The following IQSEC2 variants were observed in gnomAD, a reference collection of about 807,000 sequenced individuals.
The protein encoded by IQSEC2 is IQ motif and SEC7 domain-containing protein 2.
Under a neutral mutation model 74.6 loss-of-function variants are expected in IQSEC2, and 6 were observed. The observed-to-expected ratio is 0.08, with a 90% CI of 0.04 to 0.16. The LOEUF is 0.16. IQSEC2 is among the 10% of genes least tolerant of loss of function. IQSEC2 has a pLI of 1.00. For synonymous variants in IQSEC2, 494 were observed against 544.5 expected, an observed-to-expected ratio of 0.91 and a Z score of 1.29; for missense variants, 734 against 1,306.2, an observed-to-expected ratio of 0.56 and a Z score of 6.75.
At chrX:53,316,243 A>G (rs2075369276) in intron 1 of IQSEC2, among the ~76,000 whole-genome samples, 1 of 111,729 alleles carries the variant, frequency 9.0e-6, no homozygotes, top group Non-Finnish European at 1.9e-5. Flanking sequence ...CCAGATCTAG[A>G]TAGAGAAGCA....
At chrX:53,243,024 C>T (rs1556861242) in intron 9 of IQSEC2, among the ~76,000 whole-genome samples, 1 of 112,489 alleles carries the variant, frequency 8.9e-6, no homozygotes, top group African/African-American at 3.2e-5. Flanking sequence ...AGGCACAAGC[C>T]ATTGTACCTG....
At chrX:53,316,831 CAAAAA>C (rs376964568) in intron 1 of IQSEC2, among the ~76,000 whole-genome samples, 9 of 73,238 alleles carry the variant, frequency 1.2e-4, no homozygotes, top group African/African-American at 3.4e-4. Context: ...AAACCAAAAC[CAAAAA>C]AAAAAAAAAA....
intron 2 of IQSEC2, among the ~76,000 whole-genome samples, chrX:53,282,484 T>C (rs1347190857): frequency 8.9e-6 from 1 of 112,938 alleles, no homozygotes; most frequent in Non-Finnish European, 1.9e-5. Context: ...AAAGTGCTCC[T>C]GTCCTTTCAC....
At position 53,289,857 on chromosome X, in the gene IQSEC2, T is replaced by A. The variant is rs962600001; in HGVS notation, c.737+2038A>T. 4.5e-5 allele frequency among the ~76,000 whole-genome samples: 5 copies of A among 111,862 alleles called. No homozygotes were observed. In the Admixed American group the frequency reaches 4.7e-4, roughly 11 times the overall value. Reference sequence around the variant, plus strand: ...TTTGGAATCAGACAGCCCAAGGCACTGACTCTCTCAGAACCTCCTTCTCCT... The same window carrying A: ...TTTGGAATCAGACAGCCCAAGGCACAGACTCTCTCAGAACCTCCTTCTCCT... On this transcript the variant is annotated intron_variant, in intron 2 of 14. Transcript: ENST00000642864.
chrX:53,260,892 A>G (rs1437020896), intron 2 of IQSEC2, among the ~76,000 whole-genome samples: 1 of 111,377 alleles, frequency 9.0e-6, no homozygotes, highest in Admixed American at 9.5e-5. Flanking sequence ...ATTCAAACCC[A>G]GGGCCCAGGC....
At chrX:53,311,661 A>G (rs1022424170) in intron 1 of IQSEC2, among the ~76,000 whole-genome samples, 4 of 112,146 alleles carry the variant, frequency 3.6e-5, no homozygotes, top group Non-Finnish European at 3.8e-5. Context: ...CATGCCTGTA[A>G]TCCTAGTACT....
chrX:53,251,295 G>C lies in IQSEC2; in HGVS notation c.1402-121C>G, dbSNP rs2074387987. ...GGAAAAAGGGGGAGTCTTCCTGGTA[G>C]GTCAGCAAGGAGGGTGGATTCCCCT... is the stretch of plus-strand genomic sequence containing the variant. On this transcript the variant is annotated intron_variant, in intron 4 of 14. Transcript: ENST00000642864. The C allele has an allele frequency of 1.5e-5, 11 of 736,225 alleles. No individual in the cohort carries two copies. The South Asian group carries it at 2.6e-4, about 18-fold the overall frequency. The allele number at this position is 736,225 out of a possible 1,213,427, so 60.7% of individuals were successfully genotyped here. A position where few individuals can be genotyped will look rare whatever the true frequency, so the allele number is the denominator to read the frequency against.
In IQSEC2 at chrX:53,281,649, G is replaced by T; in HGVS notation, c.737+10246C>A. On this transcript the variant is annotated intron_variant, in intron 2 of 14. Coordinates refer to ENST00000642864, the MANE Select transcript of IQSEC2 (RefSeq NM_001111125.3). ...AAGGCGGGGCCAGGCCAGCTGGGCT[G>T]CGGGCCAGATTGCAACTGGAAACTT... is the stretch of plus-strand genomic sequence containing the variant. 10 of 826,688 alleles carry T rather than the reference G, an allele frequency of 1.2e-5. No individual in the cohort carries two copies. In the South Asian group the frequency reaches 2.8e-4, roughly 23 times the overall value. The allele number at this position is 826,688 out of a possible 1,213,427, so 68.1% of individuals were successfully genotyped here.
chrX:53,303,731 G>C (rs1169226721), intron 1 of IQSEC2, among the ~76,000 whole-genome samples: 1 of 109,518 alleles, frequency 9.1e-6, no homozygotes, highest in African/African-American at 3.3e-5. Flanking sequence ...AACCTGGGGG[G>C]CAGAGGTTGC....
At chrX:53,292,057 AT>A in intron 1 of IQSEC2, 133 bp from the exon 2 acceptor site, 1 of 514,067 alleles carries the variant, frequency 1.9e-6, no homozygotes, top group Non-Finnish European at 3.2e-6. Flanking sequence ...GGGTTATTTC[AT>A]GCGGAGAGAA....
At chrX:53,277,698 T>C (rs1363087561) in intron 2 of IQSEC2, among the ~76,000 whole-genome samples, 1 of 111,450 alleles carries the variant, frequency 9.0e-6, no homozygotes, top group Non-Finnish European at 1.9e-5. Context: ...TGAGACGGAG[T>C]CTTGCTCTGT....
At chrX:53,292,964 A>AC (rs1307950429) in intron 1 of IQSEC2, among the ~76,000 whole-genome samples, 5 of 111,540 alleles carry the variant, frequency 4.5e-5, no homozygotes, top group Non-Finnish European at 9.4e-5. Flanking sequence ...CAGGCCTCCC[A>AC]CCCTCACTCA....
At chrX:53,242,297 G>A (rs782589999) in intron 9 of IQSEC2, among the ~76,000 whole-genome samples, 19 of 108,697 alleles carry the variant, frequency 1.7e-4, no homozygotes, top group African/African-American at 6.4e-4. Flanking sequence ...AGCTGGGTGT[G>A]GTGGTGGGCG....
chrX:53,253,151 C>T (rs1417333020), intron 4 of IQSEC2, among the ~76,000 whole-genome samples: 4 of 112,361 alleles, frequency 3.6e-5, no homozygotes, highest in Non-Finnish European at 5.6e-5. Flanking sequence ...GTGACTTTTT[C>T]TCTTATAAAG....
Position 53,248,185 on chromosome X carries a change from G to C in IQSEC2, c.2511C>G (p.Leu837=), listed in dbSNP as rs1556862446. 2 of 1,208,041 alleles carry C rather than the reference G, an allele frequency of 1.7e-6. No homozygotes were observed. Among genetic ancestry groups the C allele is most frequent in the East Asian group, 3.0e-5 (1 of 33,717 alleles). Residue 837 remains leucine (L), a synonymous_variant, in exon 7 of 15, where the codon CTC becomes CTG. Transcript: ENST00000642864. ...DFSSMDLDDA[L]RKFQSHIRVQ... ...CCCGGATATGGGACTGGAACTTCCG[G>C]AGCGCATCATCCAGATCCATGGAGG...
At chrX:53,274,180 A>C (rs782068198) in intron 2 of IQSEC2, among the ~76,000 whole-genome samples, 1 of 111,432 alleles carries the variant, frequency 9.0e-6, no homozygotes, top group African/African-American at 3.3e-5. Flanking sequence ...TTATGTTTGC[A>C]GTTTGGATTG....
intron 1 of IQSEC2, among the ~76,000 whole-genome samples, chrX:53,295,116 C>G (rs2075137997): frequency 8.9e-6 from 1 of 112,008 alleles, no homozygotes; most frequent in Non-Finnish European, 1.9e-5. Context: ...AGCCACTGCA[C>G]CTGGCCAGCC....
At chrX:53,237,653 G>T in intron 12 of IQSEC2, 1 of 156,262 alleles carries the variant, frequency 6.4e-6, no homozygotes, top group Non-Finnish European at 1.3e-5. Flanking sequence ...TATGTGGGCA[G>T]AGGAGGAGAG....
chrX:53,234,673 C>A lies in IQSEC2; in HGVS notation c.4013G>T (p.Arg1338Leu). ...VPGPQHYTLG[R>L]PGRAPRRGAG... is the part of the protein sequence containing the mutation. ...CCCCCGTCTGGGTGCCCTGCCTGGC[C>A]GGCCCAAGGTATAGTGTTGGGGCCC... is the stretch of plus-strand genomic sequence containing the variant. The change falls in exon 15 of 15, where the codon CGG becomes CTG. Residue 1338 changes from arginine to leucine, a missense_variant. Physicochemically the swap from Arg to Leu is moderately radical, Grantham distance 102 (BLOSUM62 -2). Around this residue, in one of 12 missense-constraint regions of IQSEC2, gnomAD observed 249 missense variants for 467.9 expected, o/e 0.53. Coordinates refer to ENST00000642864, the MANE Select transcript of IQSEC2 (RefSeq NM_001111125.3). 1 of 1,137,647 alleles carries A rather than the reference C, an allele frequency of 8.8e-7. No homozygotes were observed. 93.8% of individuals were successfully genotyped at this position (1,137,647 alleles called of 1,213,427 possible). A position where few individuals can be genotyped will look rare whatever the true frequency, so the allele number is the denominator to read the frequency against.
Sources: gnomAD v4.1 joint callset for allele counts (sites outside exome capture counted in the v4.1 genomes callset) on GRCh38, gnomAD v4.1.1 for gene constraint, gnomAD v4.1.1 regional missense constraint, MANE v1.5 for transcripts, NCBI Gene and HGNC (gene_info 2026-07-23, HGNC 2026-07-21) for gene names.